The following TMX3 variants were observed in gnomAD, a reference collection of about 807,000 sequenced individuals.
TMX3 encodes thioredoxin related transmembrane protein 3, also known as protein disulfide-isomerase TMX3.
In TMX3, 40 loss-of-function variants were observed where a neutral mutation model predicts 64.4. The ratio of observed to expected loss-of-function variants is 0.62; its 90% CI spans 0.48 to 0.81. The LOEUF is 0.81. Ranked by LOEUF, TMX3 falls within the 30% of genes least tolerant of loss-of-function variation. TMX3 has a pLI of 0.00. For synonymous variants in TMX3, 189 were observed against 175.7 expected, an observed-to-expected ratio of 1.08 and a Z score of -0.60; for missense variants, 497 against 534.5, an observed-to-expected ratio of 0.93 and a Z score of 0.69.
At position 68,681,175 on chromosome 18, in the gene TMX3, A is replaced by C. The variant is rs1356849723; in HGVS notation, c.906-65T>G. 9.8e-6 allele frequency: 13 copies of C among 1,320,438 alleles called. 1 individual carries two copies. Among genetic ancestry groups the C allele is most frequent in the Non-Finnish European group, 9.0e-6 (9 of 1,001,154 alleles). 81.8% of individuals were successfully genotyped at this position (1,320,438 alleles called of 1,614,324 possible). A position where few individuals can be genotyped will look rare whatever the true frequency, so the allele number is the denominator to read the frequency against. On this transcript the variant is annotated intron_variant, in intron 13 of 15. Transcript: ENST00000299608. ...AGCAATAGCAAGTATTCTGATATTC[A>C]TTTATATCTCAGTAGCCATAATTAT...
At chr18:68,677,525 C>G (rs949578437) in intron 15 of TMX3, among the ~76,000 whole-genome samples, 1 of 152,086 alleles carries the variant, frequency 6.6e-6, no homozygotes, top group South Asian at 2.1e-4. Flanking sequence ...CGCCCAGCAG[C>G]TTTAGAGTTG....
At chr18:68,683,962 AG>A (rs1913696013) in intron 12 of TMX3, among the ~76,000 whole-genome samples, 1 of 152,310 alleles carries the variant, frequency 6.6e-6, no homozygotes, top group Non-Finnish European at 1.5e-5. Flanking sequence ...ATAAGTATGT[AG>A]GTACAGACAA....
At chr18:68,693,754 A>C (rs1485220674) in intron 8 of TMX3, among the ~76,000 whole-genome samples, 2 of 151,990 alleles carry the variant, frequency 1.3e-5, no homozygotes, top group Non-Finnish European at 2.9e-5. Context: ...GGTCCCCAGT[A>C]AAACCCCAAC....
chr18:68,708,090 T>C (rs2030910178), intron 4 of TMX3, among the ~76,000 whole-genome samples: 1 of 151,534 alleles, frequency 6.6e-6, no homozygotes, highest in Admixed American at 6.6e-5. Context: ...TATATATGTG[T>C]GTATATATAT....
intron 9 of TMX3, chr18:68,689,910 T>C (rs1914346859): frequency 6.6e-6 from 1 of 152,242 alleles, no homozygotes; most frequent in African/African-American, 2.4e-5. Context: ...CAGATTACTT[T>C]GTAAATAAAA....
intron 4 of TMX3, among the ~76,000 whole-genome samples, chr18:68,709,180 A>G (rs1568204416): frequency 2.6e-5 from 4 of 152,274 alleles, no homozygotes; most frequent in Non-Finnish European, 5.9e-5. Context: ...TGGTTTGTTC[A>G]GAAACTTTCT....
rs538589491 is a variant in TMX3 at position 68,676,973 on chromosome 18, A to C, written c.1325T>G (p.Val442Gly). The C allele has an allele frequency of 8.1e-6, 13 of 1,613,782 alleles. No homozygotes were observed. The African/African-American group carries it at 9.3e-5, about 12-fold the overall frequency. ...PSSGGSVVPT[V>G]QEPKDVLEKK... ...TTCTAATACATCCTTGGGCTCCTGC[A>C]CTGTAGGCACTACAGATCCTCCACT... The change falls in exon 16 of 16, where the codon GTG becomes GGG. Residue 442 changes from valine to glycine, a missense_variant. By Grantham distance (109) the Val-to-Gly change is moderately radical. Coordinates refer to ENST00000299608, the MANE Select transcript of TMX3 (RefSeq NM_019022.5).
chr18:68,707,990 T>C (rs561458676), intron 4 of TMX3, among the ~76,000 whole-genome samples: 22 of 147,630 alleles, frequency 1.5e-4, no homozygotes, highest in African/African-American at 5.5e-4. Flanking sequence ...TGTATGTGTA[T>C]ATATGTGTAT....
chr18:68,683,429 C>T (rs998089254), intron 12 of TMX3, among the ~76,000 whole-genome samples: 6 of 152,032 alleles, frequency 3.9e-5, no homozygotes, highest in Non-Finnish European at 7.4e-5. Context: ...TTTATATTGA[C>T]TGTCTTTTTT....
intron 1 of TMX3, 79 bp from the exon 2 acceptor site, chr18:68,713,979 T>A: frequency 9.7e-7 from 1 of 1,027,402 alleles, no homozygotes; most frequent in East Asian, 2.6e-5. Context: ...ATCTCTGAAG[T>A]GTTTTTGACC....
chr18:68,693,763 A>G (rs1914776665), intron 8 of TMX3, among the ~76,000 whole-genome samples: 1 of 151,856 alleles, frequency 6.6e-6, no homozygotes, highest in African/African-American at 2.4e-5. Context: ...TAAAACCCCA[A>G]CTTCAGGCCA....
chr18:68,685,282 T>C (rs1413331314), intron 10 of TMX3, among the ~76,000 whole-genome samples: 1 of 152,208 alleles, frequency 6.6e-6, no homozygotes, highest in Non-Finnish European at 1.5e-5. Context: ...GGCATAAACC[T>C]GGCTCAGAGC....
At chr18:68,684,992 A>C (rs1264585579) in intron 10 of TMX3, among the ~76,000 whole-genome samples, 1 of 152,228 alleles carries the variant, frequency 6.6e-6, no homozygotes, top group East Asian at 1.9e-4. Context: ...AATATGCAGA[A>C]TTAAACTGAC....
intron 5 of TMX3, chr18:68,700,770 A>G (rs1160996369): frequency 9.1e-6 from 9 of 985,152 alleles, no homozygotes; most frequent in Non-Finnish European, 1.1e-5. Flanking sequence ...CTACACATTC[A>G]TGGTCAAGAG....
rs1912724999 is a variant in TMX3, at chr18:68,673,941, T to C, written c.*2992A>G. On this transcript the variant is annotated 3_prime_UTR_variant, in exon 16 of 16. Coordinates refer to ENST00000299608, the MANE Select transcript of TMX3 (RefSeq NM_019022.5). ...TAATATCCTACACTGGTTTATTTGA[T>C]CATTTAATGCATAAGGAGTGTTGAA... 6.6e-6 allele frequency: 1 copy of C among 152,160 alleles called. No individual in the cohort carries two copies. Among genetic ancestry groups the C allele is most frequent in the Non-Finnish European group, 1.5e-5 (1 of 68,004 alleles). The allele number at this position is 152,160 out of a possible 1,614,324, so 9.4% of individuals were successfully genotyped here.
chr18:68,708,027 GTA>G (rs1396146511), intron 4 of TMX3, among the ~76,000 whole-genome samples: 5 of 134,202 alleles, frequency 3.7e-5, no homozygotes, highest in African/African-American at 7.3e-5. Context: ...GTATATATGT[GTA>G]TATGTGTATA....
At chr18:68,680,547 C>T (rs927585308) in intron 14 of TMX3, among the ~76,000 whole-genome samples, 8 of 152,154 alleles carry the variant, frequency 5.3e-5, no homozygotes, top group African/African-American at 1.7e-4. Context: ...AAATTGTCAT[C>T]TTATTTGCAG....
At position 68,682,916 on chromosome 18, in the gene TMX3, T is replaced by C. The variant is rs770941435; in HGVS notation, c.905+9A>G. On this transcript the variant is annotated intron_variant, in intron 13 of 15. Transcript: ENST00000299608. ...ATTTGACAGCAAAATCATTCAGCAC[T>C]TTACTTACTCCATCAGCAAGGTATT... is the stretch of plus-strand genomic sequence containing the variant. 1.9e-6 allele frequency: 3 copies of C among 1,602,250 alleles called. No individual in the cohort carries two copies. The highest frequency in any genetic ancestry group is 3.4e-5 in the Admixed American group (2 of 59,126).
In TMX3 at chr18:68,676,405, A is replaced by G. The variant is rs1290067666; in HGVS notation, c.*528T>C. 6.6e-6 allele frequency: 1 copy of G among 152,446 alleles called. No homozygotes were observed. Among genetic ancestry groups the G allele is most frequent in the African/African-American group, 2.4e-5 (1 of 41,454 alleles). 9.4% of individuals were successfully genotyped at this position (152,446 alleles called of 1,614,324 possible). Reference sequence around the variant, plus strand: ...TAAAAATAACTAACAAAATAAAACCACTATGCTATATAAAACCACATTATT... The same window carrying G: ...TAAAAATAACTAACAAAATAAAACCGCTATGCTATATAAAACCACATTATT... On this transcript the variant is annotated 3_prime_UTR_variant, in exon 16 of 16. Transcript: ENST00000299608.
Sources: allele counts gnomAD v4.1 joint callset (sites outside exome capture counted in the v4.1 genomes callset), GRCh38; gene constraint gnomAD v4.1.1; transcripts MANE v1.5; gene names NCBI Gene and HGNC (gene_info 2026-07-23, HGNC 2026-07-21).